Variants in CC2D2B observed in about 807,000 individuals in gnomAD.
CC2D2B encodes coiled-coil and C2 domain containing 2B.
In CC2D2B, 128 loss-of-function variants were observed where a neutral mutation model predicts 161.2. That is an observed-to-expected ratio of 0.79 (90% confidence interval 0.69 to 0.92). The LOEUF (loss-of-function observed/expected upper bound fraction) is 0.92, where lower values mean the gene tolerates loss of function less well. Ranked by LOEUF, CC2D2B falls within the 40% of genes least tolerant of loss-of-function variation. The pLI, the probability that CC2D2B is intolerant of heterozygous loss-of-function variation, is 0.00. For missense variants in CC2D2B, 1,173 were observed against 1,375.1 expected (o/e 0.85, Z 2.32); for synonymous variants, 391 against 449.8 (o/e 0.87, Z 1.65).
intron 11 of CC2D2B, among the ~76,000 whole-genome samples, chr10:95,960,597 C>G (rs1168044517): frequency 6.6e-6 from 1 of 152,106 alleles, no homozygotes; most frequent in African/African-American, 2.4e-5. Flanking sequence ...ACTGCAGTCT[C>G]AACCTTCTAG....
chr10:95,926,828 GTGTGTGTGTGTGTGTGTGTC>G lies in CC2D2B; in HGVS notation c.241-389_241-370del, dbSNP rs1364931856. 3.7e-5 allele frequency among the ~76,000 whole-genome samples: 5 copies of G among 133,858 alleles called. No homozygotes were observed. In the South Asian group the frequency reaches 1.2e-3, roughly 31 times the overall value. 87.8% of individuals were successfully genotyped at this position (133,858 alleles called of 152,430 possible). A position where few individuals can be genotyped will look rare whatever the true frequency, so the allele number is the denominator to read the frequency against. The stretch of plus-strand genomic sequence containing the variant: ...GGCTGAGGTGGCAGTGTGTGTGTGT[GTGTGTGTGTGTGTGTGTGTC>G]TGTGTGTGTGTGTGTGTGTGTGTGT... On this transcript the variant is annotated intron_variant, in intron 5 of 34. Coordinates refer to ENST00000646931, the MANE Select transcript of CC2D2B (RefSeq NM_001349008.3).
At chr10:95,947,050 CAT>C (rs1037431413) in intron 9 of CC2D2B, among the ~76,000 whole-genome samples, 19 of 133,074 alleles carry the variant, frequency 1.4e-4, no homozygotes, top group South Asian at 7.1e-4. Flanking sequence ...CATATTCAAA[CAT>C]GTGCATAAAT....
intron 33 of CC2D2B, among the ~76,000 whole-genome samples, chr10:96,025,174 T>TAAAAAAAAAAAA (rs1564683948): frequency 1.3e-4 from 2 of 15,086 alleles, no homozygotes; most frequent in African/African-American, 2.7e-4. Context: ...TATATATATA[T>TAAAAAAAAAAAA]ATATATATAT....
intron 6 of CC2D2B, among the ~76,000 whole-genome samples, chr10:95,931,647 G>A (rs552102828): frequency 6.6e-6 from 1 of 152,256 alleles, no homozygotes; most frequent in African/African-American, 2.4e-5. Context: ...TTACCCAGTA[G>A]TCATTCAGGA....
chr10:95,991,748 A>G (rs1411940450), intron 21 of CC2D2B, among the ~76,000 whole-genome samples: 2 of 152,210 alleles, frequency 1.3e-5, no homozygotes, highest in Non-Finnish European at 2.9e-5. Context: ...CCTTTGTCCC[A>G]AATTAGTTTT....
At position 95,927,273 on chromosome 10, in the gene CC2D2B, C is replaced by CA. The variant is rs2098541104; in HGVS notation, c.277_278insA (p.Leu93HisfsTer9). 1 of 1,551,358 alleles carries CA rather than the reference C, an allele frequency of 6.4e-7. No individual in the cohort carries two copies. Among genetic ancestry groups the CA allele is most frequent in the Non-Finnish European group, 8.7e-7 (1 of 1,146,510 alleles). The stretch of plus-strand genomic sequence containing the variant: ...GACTGAAGTCTCATTGGATGAAAGT[C>CA]TTTCATTTTTCATTCTGAGTGGTGA... On this transcript the variant is annotated frameshift_variant, in exon 6 of 35. Transcript: ENST00000646931. LOFTEE classifies it high-confidence loss of function.
intron 2 of CC2D2B, among the ~76,000 whole-genome samples, chr10:95,912,781 G>C (rs568007965): frequency 2.5e-3 from 382 of 152,016 alleles, no homozygotes; most frequent in Non-Finnish European, 4.0e-3. Flanking sequence ...TCATTAAAAG[G>C]CCTTTTTTAT....
rs371834171 is a variant in CC2D2B, at chr10:96,019,756, T to G, written c.3820T>G (p.Ser1274Ala). The G allele has an allele frequency of 1.2e-5, 20 of 1,604,424 alleles. No individual in the cohort carries two copies. Among genetic ancestry groups the G allele is most frequent in the Non-Finnish European group, 1.4e-5 (17 of 1,177,214 alleles). The change falls in exon 32 of 35, where the codon TCA (serine) becomes GCA (alanine). Residue 1274 changes from serine (S) to alanine (A), a missense_variant. By Grantham distance (99) the Ser-to-Ala change is moderately conservative. Around this residue, in one of 3 missense-constraint regions of CC2D2B, gnomAD observed 598 missense variants for 693.2 expected, o/e 0.86. Coordinates refer to ENST00000646931, the MANE Select transcript of CC2D2B (RefSeq NM_001349008.3). ...NTPMAVFFDYSKESFWKQLLP... is the reference protein window; with the variant it reads ...NTPMAVFFDYAKESFWKQLLP... The stretch of plus-strand genomic sequence containing the variant: ...ACCAATGGCTGTATTTTTTGACTAT[T>G]CAAAGGAAAGTTTCTGGAAGCAGTT...
At chr10:95,917,524 T>C (rs1366941881) in intron 2 of CC2D2B, among the ~76,000 whole-genome samples, 1 of 152,178 alleles carries the variant, frequency 6.6e-6, no homozygotes, top group Non-Finnish European at 1.5e-5. Flanking sequence ...TGGTGGTATG[T>C]TTTAACTCCT....
In CC2D2B at chr10:96,016,186, T is replaced by C. The variant is rs775596495; in HGVS notation, c.3517-15T>C. On this transcript the variant is annotated splice_polypyrimidine_tract_variant and intron_variant, in intron 29 of 34. Coordinates refer to ENST00000646931, the MANE Select transcript of CC2D2B (RefSeq NM_001349008.3). ...CTTTTCTTTTTTTGTTCCTATTGCT[T>C]TTGTTTTGTCTTAGCACTGCATCAG... 2.4e-5 allele frequency: 38 copies of C among 1,572,276 alleles called. No homozygotes were observed. Among genetic ancestry groups the C allele is most frequent in the Non-Finnish European group, 3.1e-5 (36 of 1,143,826 alleles).
intron 34 of CC2D2B, among the ~76,000 whole-genome samples, chr10:96,030,192 AC>A (rs1196300548): frequency 6.6e-6 from 1 of 152,070 alleles, no homozygotes; most frequent in Non-Finnish European, 1.5e-5. Context: ...GATATGAAGG[AC>A]CAACCGTACT....
chr10:95,950,359 T>A (rs2076357273), intron 10 of CC2D2B: 1 of 273,898 alleles, frequency 3.7e-6, no homozygotes, highest in South Asian at 1.7e-4. Flanking sequence ...AGAAGAGTAT[T>A]TGAAATGATT....
intron 2 of CC2D2B, 126 bp from the exon 3 acceptor site, chr10:95,921,890 A>C (rs1396397146): frequency 7.6e-6 from 4 of 524,706 alleles, no homozygotes; most frequent in Non-Finnish European, 1.4e-5. Flanking sequence ...GCACATGTAT[A>C]CCTATGTAAC....
At chr10:96,029,268 ATATATATATATATATATG>A (rs1182016619) in intron 34 of CC2D2B, among the ~76,000 whole-genome samples, 1,701 of 68,348 alleles carry the variant, frequency 0.025, 5 homozygotes, top group Middle Eastern at 0.043. Context: ...ATATATATAT[ATATATATATATATATATG>A]TATATATATA....
chr10:95,995,200 C>T (rs891772740), intron 22 of CC2D2B, 69 bp from the exon 23 acceptor site: 55 of 828,368 alleles, frequency 6.6e-5, no homozygotes, highest in Non-Finnish European at 8.8e-5. Flanking sequence ...AGGAAAAACC[C>T]ACCCACTCCT....
At chr10:95,919,466 G>A (rs1029325099) in intron 2 of CC2D2B, 7 of 152,226 alleles carry the variant, frequency 4.6e-5, no homozygotes, top group African/African-American at 1.7e-4. Flanking sequence ...AGGGTTTCTT[G>A]TTCTATTCCC....
chr10:95,957,481 C>T (rs2076605795), intron 11 of CC2D2B, among the ~76,000 whole-genome samples: 1 of 151,376 alleles, frequency 6.6e-6, no homozygotes, highest in Non-Finnish European at 1.5e-5. Context: ...AAGGCATCAA[C>T]TCAGAAAAGA....
chr10:95,949,657 TAA>T (rs199910981), intron 9 of CC2D2B, among the ~76,000 whole-genome samples: 12 of 99,160 alleles, frequency 1.2e-4, no homozygotes, highest in African/African-American at 3.7e-4. Context: ...TAGAGTATAA[TAA>T]AAAAAAAAAT....
At chr10:95,922,558 C>T (rs1420432590) in intron 3 of CC2D2B, among the ~76,000 whole-genome samples, 1 of 152,218 alleles carries the variant, frequency 6.6e-6, no homozygotes, top group African/African-American at 2.4e-5. Flanking sequence ...TGAAGATTCT[C>T]ATGACCTATA....
Sources: allele counts gnomAD v4.1 joint callset (sites outside exome capture counted in the v4.1 genomes callset), GRCh38; gene constraint gnomAD v4.1.1; regional missense constraint gnomAD v4.1.1; transcripts MANE v1.5; gene names NCBI Gene and HGNC (gene_info 2026-07-23, HGNC 2026-07-21).